ADK: variants seen among roughly 807,000 people sequenced by gnomAD.
ADK encodes adenosine kinase.
In ADK, 24 loss-of-function variants were observed where a neutral mutation model predicts 44.7. The observed-to-expected ratio is 0.54, with a 90% CI of 0.39 to 0.76. The LOEUF is 0.76. ADK is among the 30% of genes least tolerant of loss of function. The pLI is 0.00. For synonymous variants in ADK, 128 were observed against 142.6 expected, an observed-to-expected ratio of 0.90 and a Z score of 0.73; for missense variants, 321 against 425.1, an observed-to-expected ratio of 0.76 and a Z score of 2.15.
intron 3 of ADK, among the ~76,000 whole-genome samples, chr10:74,230,173 T>C (rs1399999196): frequency 1.4e-5 from 2 of 144,512 alleles, no homozygotes; most frequent in East Asian, 3.9e-4. Flanking sequence ...GGTTAAATGC[T>C]TATTTTTTTT....
intron 1 of ADK, among the ~76,000 whole-genome samples, chr10:74,185,608 A>G (rs902729277): frequency 1.3e-5 from 2 of 150,076 alleles, no homozygotes; most frequent in African/African-American, 4.9e-5. Flanking sequence ...CGAGGCGGGT[A>G]GATCACGAGG....
chr10:74,331,894 C>A (rs1253613523), intron 4 of ADK, among the ~76,000 whole-genome samples: 1 of 152,106 alleles, frequency 6.6e-6, no homozygotes, highest in African/African-American at 2.4e-5. Flanking sequence ...GCTTTGTCAC[C>A]CAGGCTGAAG....
chr10:74,203,104 C>A (rs1203636240), intron 2 of ADK, among the ~76,000 whole-genome samples: 1 of 152,152 alleles, frequency 6.6e-6, no homozygotes, highest in Non-Finnish European at 1.5e-5. Context: ...GGCATTTGAT[C>A]AATTTTGAGT....
intron 4 of ADK, among the ~76,000 whole-genome samples, chr10:74,382,897 C>A (rs1370180735): frequency 6.6e-6 from 1 of 151,830 alleles, no homozygotes; most frequent in Non-Finnish European, 1.5e-5. Flanking sequence ...ATCTGTGAAT[C>A]CTCTCTTGAA....
intron 7 of ADK, among the ~76,000 whole-genome samples, chr10:74,580,628 G>C (rs1851342125): frequency 6.6e-6 from 1 of 150,670 alleles, no homozygotes; most frequent in African/African-American, 2.4e-5. Context: ...TTTGCCTGCT[G>C]TCATCCATGT....
At chr10:74,236,601 C>CA (rs1376357629) in intron 3 of ADK, among the ~76,000 whole-genome samples, 2 of 152,150 alleles carry the variant, frequency 1.3e-5, no homozygotes, top group African/African-American at 4.8e-5. Flanking sequence ...ATTGGTATAA[C>CA]AAATCTACCC....
intron 6 of ADK, among the ~76,000 whole-genome samples, chr10:74,410,848 G>A (rs1252109128): frequency 1.3e-5 from 2 of 152,166 alleles, no homozygotes; most frequent in African/African-American, 4.8e-5. Context: ...GTCTGTGAAT[G>A]ACAGTTGATT....
chr10:74,664,183 T>C (rs1161466484), intron 9 of ADK, among the ~76,000 whole-genome samples: 2 of 152,212 alleles, frequency 1.3e-5, no homozygotes, highest in Non-Finnish European at 2.9e-5. Context: ...ATCCATGTAG[T>C]GGACTATTAT....
chr10:74,654,092 TAAC>T (rs1325645407), intron 9 of ADK, among the ~76,000 whole-genome samples: 1 of 152,218 alleles, frequency 6.6e-6, no homozygotes, highest in Non-Finnish European at 1.5e-5. Flanking sequence ...ACAATTCAAA[TAAC>T]AATCTTACTG....
chr10:74,430,428 G>T (rs10762612), intron 6 of ADK, among the ~76,000 whole-genome samples: 91,364 of 151,794 alleles, frequency 0.6, 30,009 homozygotes, highest in Middle Eastern at 0.77. Flanking sequence ...AGATAAAGCT[G>T]CTGTGAATAT....
At chr10:74,342,412 T>A (rs1047302084) in intron 4 of ADK, among the ~76,000 whole-genome samples, 6 of 152,220 alleles carry the variant, frequency 3.9e-5, no homozygotes, top group Admixed American at 3.9e-4. Flanking sequence ...TGGAATTCTT[T>A]TCTTAATTTT....
At chr10:74,468,708 A>G (rs749760339) in intron 6 of ADK, among the ~76,000 whole-genome samples, 1 of 152,228 alleles carries the variant, frequency 6.6e-6, no homozygotes, top group African/African-American at 2.4e-5. Flanking sequence ...CTAAAGATCT[A>G]TTTTATTATA....
chr10:74,669,825 G>C (rs992111403), intron 9 of ADK, among the ~76,000 whole-genome samples: 1 of 151,976 alleles, frequency 6.6e-6, no homozygotes, highest in African/African-American at 2.4e-5. Flanking sequence ...AGCTTTTTTA[G>C]AAACCCATGA....
At chr10:74,515,084 A>G (rs960165212) in intron 6 of ADK, among the ~76,000 whole-genome samples, 5 of 152,114 alleles carry the variant, frequency 3.3e-5, no homozygotes, top group South Asian at 2.1e-4. Context: ...GTTGATTTCT[A>G]TGCATCTGGT....
intron 1 of ADK, among the ~76,000 whole-genome samples, chr10:74,195,844 T>C (rs1338830824): frequency 6.6e-6 from 1 of 151,672 alleles, no homozygotes; most frequent in African/African-American, 2.4e-5. Flanking sequence ...ACGCGGCTAA[T>C]TTTTGTATTT....
chr10:74,668,018 T>C (rs1470218573), intron 9 of ADK, among the ~76,000 whole-genome samples: 1 of 152,206 alleles, frequency 6.6e-6, no homozygotes, highest in Non-Finnish European at 1.5e-5. Flanking sequence ...TCTGTAAGTC[T>C]AGTGATTAAT....
intron 9 of ADK, among the ~76,000 whole-genome samples, chr10:74,607,776 C>T (rs1852381297): frequency 6.6e-6 from 1 of 152,102 alleles, no homozygotes; most frequent in Admixed American, 6.6e-5. Flanking sequence ...GAATGTTGGC[C>T]TGTCTTGCTA....
chr10:74,228,593 A>G (rs1844636724), intron 3 of ADK, among the ~76,000 whole-genome samples: 1 of 152,204 alleles, frequency 6.6e-6, no homozygotes, highest in Non-Finnish European at 1.5e-5. Flanking sequence ...AAGCGGTTTA[A>G]GAAAAAGTAA....
intron 4 of ADK, among the ~76,000 whole-genome samples, chr10:74,331,603 G>A (rs1202056528): frequency 6.6e-6 from 1 of 151,726 alleles, no homozygotes; most frequent in African/African-American, 2.4e-5. Context: ...CCTGCTTCAG[G>A]CCTCCCAAGT....
Sources: allele counts gnomAD v4.1 joint callset (sites outside exome capture counted in the v4.1 genomes callset), GRCh38; gene constraint gnomAD v4.1.1; transcripts MANE v1.5; gene names NCBI Gene and HGNC (gene_info 2026-07-23, HGNC 2026-07-21).